Variants in EP400 observed in about 807,000 individuals in gnomAD.
EP400 encodes the protein E1A-binding protein p400.
A neutral mutation model predicts 354.1 loss-of-function variants in EP400; 105 were observed. That is an observed-to-expected ratio of 0.30 (90% confidence interval 0.25 to 0.35). EP400 has a LOEUF of 0.35. Among genes scored for constraint, EP400 ranks in the 10% least tolerant of loss-of-function variants. The probability of loss-of-function intolerance (pLI) is 1.00; values close to 1 mark genes in which losing one functional copy is unlikely to be tolerated. For missense variants in EP400, 3,280 were observed against 4,121.0 expected (o/e 0.80, Z 5.59); for synonymous variants, 1,646 against 1,716.9 (o/e 0.96, Z 1.02).
At position 132,073,731 on chromosome 12, in the gene EP400, G is replaced by A. The variant is rs566739950; in HGVS notation, c.9022-2785G>A. The stretch of plus-strand genomic sequence containing the variant: ...CTCCCAAAGTGTTGGGATTATAGGC[G>A]TGAGCCACCATGCCCAGCCATAATT... On this transcript the variant is annotated intron_variant, in intron 51 of 52. Transcript: ENST00000389561. 2.6e-5 allele frequency among the ~76,000 whole-genome samples: 4 copies of A among 151,770 alleles called. No homozygotes were observed. The East Asian group carries it at 5.9e-4, about 22-fold the overall frequency.
At position 132,017,536 on chromosome 12, in the gene EP400, A is replaced by T; in HGVS notation, c.3925A>T (p.Thr1309Ser). The T allele has an allele frequency of 6.2e-7, 1 of 1,613,836 alleles. No homozygotes were observed. The highest frequency in any genetic ancestry group is 8.5e-7 in the Non-Finnish European group (1 of 1,179,928). ...LYEDVILQPG[T>S]QEALKSGHFV... is the part of the protein sequence containing the mutation. Reference sequence around the variant, plus strand: ...TCGTGTTTCTTTCTCCACGGGCAGCACTCAGGAGGCCTTGAAGAGCGGGCA... The same window carrying T: ...TCGTGTTTCTTTCTCCACGGGCAGCTCTCAGGAGGCCTTGAAGAGCGGGCA... Residue 1309 changes from threonine (T) to serine (S), a missense_variant and splice_region_variant, in exon 20 of 53, where the codon ACT (threonine) becomes TCT (serine). Around this residue, in one of 20 missense-constraint regions of EP400, gnomAD observed 242 missense variants for 357.9 expected, o/e 0.68. Transcript: ENST00000389561. This position sits in a 1 kb window ranked among gnomAD's most constrained non-coding sequence, Gnocchi z 5.0.
Position 132,013,176 on chromosome 12 carries a change from G to C in EP400, c.3609G>C (p.Gln1203His), listed in dbSNP as rs779615467. ...ACTGGGAAGCGGTTTTCACCCTGCA[G>C]AGGTCTGTGTGTTACGCGCTTGTCA... ...ERHWEAVFTL[Q>H]SQQRLLLIDS... Residue 1203 changes from glutamine to histidine, a missense_variant and splice_region_variant, in exon 17 of 53, where the codon CAG becomes CAC. This residue lies in a region of EP400 where 242 missense variants were observed against 357.9 expected (regional missense o/e 0.68). Transcript: ENST00000389561. This position sits in a 1 kb window ranked among gnomAD's most constrained non-coding sequence, Gnocchi z 4.5. 7 of 1,612,352 alleles carry C rather than the reference G, an allele frequency of 4.3e-6. No individual in the cohort carries two copies. In the East Asian group the frequency reaches 1.3e-4, roughly 31 times the overall value.
At chr12:132,011,080 C>G (rs1893749247) in intron 15 of EP400, among the ~76,000 whole-genome samples, 1 of 152,204 alleles carries the variant, frequency 6.6e-6, no homozygotes. Flanking sequence ...AGTTTAGACG[C>G]CTGCTGTGTG....
intron 2 of EP400, among the ~76,000 whole-genome samples, chr12:131,962,860 G>T (rs1190874766): frequency 6.6e-6 from 1 of 152,142 alleles, no homozygotes; most frequent in Non-Finnish European, 1.5e-5. Context: ...ATCTTTGTCA[G>T]CTCTTCTGCA....
Position 131,994,326 on chromosome 12 carries a change from G to A in EP400, c.2738-541G>A, listed in dbSNP as rs1336985480. ...AGGCCCCCAGGTGGGGAGAGGGTCCGTGGACAGAGGGAGTTTGGCTGTGGG... is the reference window on the plus strand; with the variant it reads ...AGGCCCCCAGGTGGGGAGAGGGTCCATGGACAGAGGGAGTTTGGCTGTGGG... On this transcript the variant is annotated intron_variant, in intron 11 of 52. Coordinates refer to ENST00000389561, the MANE Select transcript of EP400 (RefSeq NM_015409.5). The surrounding 1 kb of genome is among the most constrained non-coding windows in gnomAD (Gnocchi z 4.6). 5.9e-5 allele frequency among the ~76,000 whole-genome samples: 9 copies of A among 152,204 alleles called. No homozygotes were observed. Among genetic ancestry groups the A allele is most frequent in the African/African-American group, 1.9e-4 (8 of 41,454 alleles).
At chr12:131,977,335 C>G (rs1267441265) in intron 2 of EP400, among the ~76,000 whole-genome samples, 4 of 149,946 alleles carry the variant, frequency 2.7e-5, no homozygotes, top group Non-Finnish European at 3.0e-5. Context: ...TTAGTAGAGA[C>G]GGAGTTTCAC....
intron 2 of EP400, among the ~76,000 whole-genome samples, chr12:131,979,261 T>C (rs766031632): frequency 6.2e-4 from 93 of 150,212 alleles, no homozygotes; most frequent in East Asian, 7.8e-4. Flanking sequence ...TTAATTGGGG[T>C]TTTAGTGTCA....
chr12:132,020,646 C>G (rs984128946), intron 22 of EP400, among the ~76,000 whole-genome samples: 6 of 152,216 alleles, frequency 3.9e-5, no homozygotes, highest in Non-Finnish European at 1.5e-5. Flanking sequence ...CACCACCTGG[C>G]CAAAGGGGCC....
intron 1 of EP400, among the ~76,000 whole-genome samples, chr12:131,955,882 G>T (rs896179177): frequency 3.9e-5 from 6 of 152,144 alleles, no homozygotes; most frequent in Non-Finnish European, 8.8e-5. Flanking sequence ...CTGACCTCAG[G>T]TGATCCGCCC....
chr12:132,070,640 T>G lies in EP400; in HGVS notation c.9021+999T>G, dbSNP rs1896039147. On this transcript the variant is annotated intron_variant, in intron 51 of 52. Transcript: ENST00000389561. The surrounding 1 kb of genome is among the most constrained non-coding windows in gnomAD (Gnocchi z 4.1). ...AAAGTTTTTATTAGAATTGCATTGA[T>G]TCTGTAGCTGTTCAGGGGAGAGTTG... 6.6e-6 allele frequency among the ~76,000 whole-genome samples: 1 copy of G among 152,272 alleles called. No individual in the cohort carries two copies. The highest frequency in any genetic ancestry group is 2.4e-5 in the African/African-American group (1 of 41,472).
At position 132,017,528 on chromosome 12, in the gene EP400, C is replaced by G; in HGVS notation, c.3924-7C>G. ...TGAATGCTTCGTGTTTCTTTCTCCACGGGCAGCACTCAGGAGGCCTTGAAG... is the reference window on the plus strand; with the variant it reads ...TGAATGCTTCGTGTTTCTTTCTCCAGGGGCAGCACTCAGGAGGCCTTGAAG... On this transcript the variant is annotated splice_polypyrimidine_tract_variant and splice_region_variant and intron_variant, in intron 19 of 52. Coordinates refer to ENST00000389561, the MANE Select transcript of EP400 (RefSeq NM_015409.5). This position sits in a 1 kb window ranked among gnomAD's most constrained non-coding sequence, Gnocchi z 5.0. 6.2e-7 allele frequency: 1 copy of G among 1,613,038 alleles called. No individual in the cohort carries two copies. Among genetic ancestry groups the G allele is most frequent in the Non-Finnish European group, 8.5e-7 (1 of 1,179,578 alleles).
chr12:131,996,295 C>CTTTTTT (rs575217796), intron 12 of EP400, among the ~76,000 whole-genome samples: 1,659 of 128,192 alleles, frequency 0.013, 103 homozygotes, highest in African/African-American at 0.05. Flanking sequence ...GGAAGGAACT[C>CTTTTTT]TTTTTTTTTT....
intron 2 of EP400, among the ~76,000 whole-genome samples, chr12:131,966,090 T>G (rs1858505125): frequency 6.6e-6 from 1 of 151,450 alleles, no homozygotes; most frequent in Non-Finnish European, 1.5e-5. Flanking sequence ...TATGTTGAAC[T>G]TTATTAAGAA....
In EP400 at chr12:132,078,478, G is replaced by A. The variant is rs1421948558; in HGVS notation, c.*805G>A. 6.6e-6 allele frequency: 1 copy of A among 152,316 alleles called. No individual in the cohort carries two copies. Among genetic ancestry groups the A allele is most frequent in the East Asian group, 1.9e-4 (1 of 5,204 alleles). 9.4% of individuals were successfully genotyped at this position (152,316 alleles called of 1,614,324 possible). A position where few individuals can be genotyped will look rare whatever the true frequency, so the allele number is the denominator to read the frequency against. ...CATCTCCAGTTTTCGGGGGAAGCTG[G>A]TATTTGACATAGTGTGTTAAACAGC... On this transcript the variant is annotated 3_prime_UTR_variant, in exon 53 of 53. Transcript: ENST00000389561.
At chr12:132,016,972 G>T (rs1055955578) in intron 19 of EP400, among the ~76,000 whole-genome samples, 1 of 152,140 alleles carries the variant, frequency 6.6e-6, no homozygotes, top group Non-Finnish European at 1.5e-5. Flanking sequence ...CCCTCAGGCC[G>T]CCTGGTGCAC....
Position 132,018,232 on chromosome 12 carries a change from A to G in EP400, c.4133A>G (p.Asp1378Gly), listed in dbSNP as rs770522179. ...FWKEADLSMF[D>G]LIGLENKITR... ...TAGGAAGCAGATCTTTCTATGTTTG[A>G]TCTCATCGGCTTAGAAAATAAAATC... Residue 1378 changes from aspartate to glycine, a missense_variant, in exon 21 of 53, where the codon GAT (aspartate) becomes GGT (glycine). Physicochemically the swap from Asp to Gly is moderately conservative, Grantham distance 94 (BLOSUM62 -1). This residue lies in a region of EP400 where 342 missense variants were observed against 342.7 expected (regional missense o/e 1.00). Transcript: ENST00000389561. This position sits in a 1 kb window ranked among gnomAD's most constrained non-coding sequence, Gnocchi z 4.0. 1 of 1,612,404 alleles carries G rather than the reference A, an allele frequency of 6.2e-7. No individual in the cohort carries two copies. Among genetic ancestry groups the G allele is most frequent in the South Asian group, 1.1e-5 (1 of 90,824 alleles).
At chr12:132,011,916 T>C (rs1020034572) in intron 16 of EP400, among the ~76,000 whole-genome samples, 1 of 152,186 alleles carries the variant, frequency 6.6e-6, no homozygotes, top group African/African-American at 2.4e-5. Flanking sequence ...AAAATGGTAT[T>C]CTCTGGGACA....
At chr12:131,995,198 TACC>T (rs1293631570) in intron 12 of EP400, among the ~76,000 whole-genome samples, 5 of 152,244 alleles carry the variant, frequency 3.3e-5, no homozygotes, top group African/African-American at 9.6e-5. Context: ...TCCCTGAATG[TACC>T]GTTCATCTTG....
rs1488884254 is a variant in EP400 at position 132,040,111 on chromosome 12, C to T, written c.6207+2015C>T. Among the ~76,000 whole-genome samples, 5 of 152,092 alleles carry T rather than the reference C, an allele frequency of 3.3e-5. No individual in the cohort carries two copies. The South Asian group carries it at 6.2e-4, about 19-fold the overall frequency. On this transcript the variant is annotated intron_variant, in intron 32 of 52. Transcript: ENST00000389561. ...AACATGTAAGTGGCCGATGTGTAGA[C>T]GAAATAATGTCCAGCATCACTAATC...
Sources: allele counts gnomAD v4.1 joint callset (sites outside exome capture counted in the v4.1 genomes callset), GRCh38; gene constraint gnomAD v4.1.1; regional missense constraint gnomAD v4.1.1; non-coding constraint Gnocchi (gnomAD v3.1); transcripts MANE v1.5; gene names NCBI Gene and HGNC (gene_info 2026-07-23, HGNC 2026-07-21).